Variants in NRXN3 observed in about 807,000 individuals in gnomAD.
NRXN3 encodes the protein neurexin 3, also known as neurexin III.
NRXN3 carries 32 observed loss-of-function variants against 137.6 expected under a neutral mutation model. The ratio of observed to expected loss-of-function variants is 0.23; its 90% CI spans 0.18 to 0.31. The LOEUF (loss-of-function observed/expected upper bound fraction) is 0.31, where lower values mean the gene tolerates loss of function less well. NRXN3 is among the 10% of genes least tolerant of loss of function. NRXN3 has a pLI of 1.00. For synonymous variants in NRXN3, 798 were observed against 784.5 expected (o/e 1.02, Z -0.29); for missense variants, 1,574 against 2,062.5 (o/e 0.76, Z 4.59).
chr14:79,191,778 C>CGA (rs373446104), intron 15 of NRXN3, among the ~76,000 whole-genome samples: 43,043 of 151,892 alleles, frequency 0.28, 6,634 homozygotes, highest in Non-Finnish European at 0.36. Flanking sequence ...ATGGATTTAA[C>CGA]TGCTGATTTG....
chr14:78,338,051 G>T (rs1446946846), intron 4 of NRXN3, among the ~76,000 whole-genome samples: 3 of 152,030 alleles, frequency 2.0e-5, no homozygotes, highest in Non-Finnish European at 4.4e-5. Context: ...TCTTCCCTTT[G>T]GTGTTTAGGT....
intron 16 of NRXN3, among the ~76,000 whole-genome samples, chr14:79,572,228 T>C (rs1292731365): frequency 6.6e-6 from 1 of 152,126 alleles, no homozygotes; most frequent in Non-Finnish European, 1.5e-5. Flanking sequence ...TTTCTATACT[T>C]CATGTGAATG....
chr14:79,737,764 G>A (rs2098947202), intron 19 of NRXN3, among the ~76,000 whole-genome samples: 1 of 150,216 alleles, frequency 6.7e-6, no homozygotes, highest in African/African-American at 2.5e-5. Flanking sequence ...TCCCTATATT[G>A]CCATGCTGGT....
At chr14:78,846,573 ATCC>A (rs2099027751) in intron 10 of NRXN3, among the ~76,000 whole-genome samples, 1 of 152,052 alleles carries the variant, frequency 6.6e-6, no homozygotes, top group Non-Finnish European at 1.5e-5. Context: ...TAAAGTTGCA[ATCC>A]TTCCATGAAT....
chr14:78,498,196 G>T (rs1567763222), intron 4 of NRXN3, among the ~76,000 whole-genome samples: 1 of 152,198 alleles, frequency 6.6e-6, no homozygotes, highest in Non-Finnish European at 1.5e-5. Flanking sequence ...TGTGTCTGTA[G>T]AAGTCCAGTG....
intron 16 of NRXN3, among the ~76,000 whole-genome samples, chr14:79,524,509 G>T (rs191471818): frequency 9.5e-4 from 144 of 152,242 alleles, no homozygotes; most frequent in Admixed American, 2.6e-3. Flanking sequence ...CGACAATAAA[G>T]AAATCAAAGA....
chr14:78,712,476 A>T lies in NRXN3; in HGVS notation c.1661-2280A>T, dbSNP rs569767738. ...CTTCTAGGAGGGAGTAGTGAAGCAG[A>T]TTGTTAAATTCCCCTTAATATCCTT... On this transcript the variant is annotated intron_variant, in intron 7 of 20. Coordinates refer to ENST00000335750, the MANE Select transcript of NRXN3 (RefSeq NM_001330195.2). Among the ~76,000 whole-genome samples the T allele has an allele frequency of 7.9e-5, 12 of 152,326 alleles. No homozygotes were observed. The South Asian group carries it at 2.1e-3, about 26-fold the overall frequency.
intron 6 of NRXN3, among the ~76,000 whole-genome samples, chr14:78,675,059 C>T (rs927376243): frequency 4.6e-5 from 7 of 152,194 alleles, no homozygotes. Context: ...AAGTAGGTGG[C>T]ACCAGACTCT....
chr14:78,290,860 A>G (rs918094346), intron 3 of NRXN3, among the ~76,000 whole-genome samples: 1 of 152,206 alleles, frequency 6.6e-6, no homozygotes, highest in Admixed American at 6.5e-5. Context: ...GATCTCATAC[A>G]TGACAGTATC....
At chr14:78,204,305 T>C (rs868794042) in intron 1 of NRXN3, among the ~76,000 whole-genome samples, 1 of 152,072 alleles carries the variant, frequency 6.6e-6, no homozygotes, top group South Asian at 2.1e-4. Context: ...AGCACGAGCA[T>C]GTATGAATGG....
At chr14:78,959,359 C>T (rs2099403588) in intron 11 of NRXN3, among the ~76,000 whole-genome samples, 1 of 152,152 alleles carries the variant, frequency 6.6e-6, no homozygotes, top group Admixed American at 6.5e-5. Context: ...TAATTAAGCT[C>T]CAAATCCATG....
intron 15 of NRXN3, among the ~76,000 whole-genome samples, chr14:79,139,158 G>T (rs927954984): frequency 6.6e-6 from 1 of 152,236 alleles, no homozygotes; most frequent in East Asian, 1.9e-4. Context: ...CATTTTAAGT[G>T]TCCAGTAATA....
At chr14:79,539,454 T>G (rs1456565883) in intron 16 of NRXN3, among the ~76,000 whole-genome samples, 1 of 152,214 alleles carries the variant, frequency 6.6e-6, no homozygotes, top group Non-Finnish European at 1.5e-5. Context: ...TCCTGTGCTG[T>G]TTTATAAGCT....
At chr14:79,807,985 G>T (rs1431288865) in intron 20 of NRXN3, among the ~76,000 whole-genome samples, 1 of 152,044 alleles carries the variant, frequency 6.6e-6, no homozygotes, top group Non-Finnish European at 1.5e-5. Flanking sequence ...CCTGCTTAGA[G>T]CTATCAAGCC....
At chr14:78,594,014 G>A (rs2097139111) in intron 4 of NRXN3, among the ~76,000 whole-genome samples, 1 of 152,132 alleles carries the variant, frequency 6.6e-6, no homozygotes, top group Non-Finnish European at 1.5e-5. Flanking sequence ...CTTCCCCCAT[G>A]TCCCCAGGCC....
intron 8 of NRXN3, among the ~76,000 whole-genome samples, chr14:78,773,574 T>A (rs1218181274): frequency 2.6e-5 from 4 of 151,432 alleles, no homozygotes; most frequent in Non-Finnish European, 3.0e-5. Flanking sequence ...AATTTTTAAT[T>A]TTTTTTTTAA....
At chr14:78,266,436 T>A (rs769438493) in intron 2 of NRXN3, among the ~76,000 whole-genome samples, 4 of 152,070 alleles carry the variant, frequency 2.6e-5, no homozygotes, top group Non-Finnish European at 5.9e-5. Flanking sequence ...GTAGCTGAGA[T>A]TACAGGCACA....
chr14:79,045,322 A>G (rs1465119154), intron 15 of NRXN3, among the ~76,000 whole-genome samples: 1 of 152,188 alleles, frequency 6.6e-6, no homozygotes, highest in Non-Finnish European at 1.5e-5. Context: ...GACCGGGAGC[A>G]AGCCATAAAC....
At chr14:78,695,605 A>G (rs1455255206) in intron 6 of NRXN3, 1 of 152,094 alleles carries the variant, frequency 6.6e-6, no homozygotes, top group Non-Finnish European at 1.5e-5. Context: ...TGAGGAGCTG[A>G]TAAGTAACTG....
Sources: gnomAD v4.1 joint callset for allele counts (sites outside exome capture counted in the v4.1 genomes callset) on GRCh38, gnomAD v4.1.1 for gene constraint, MANE v1.5 for transcripts, NCBI Gene and HGNC (gene_info 2026-07-23, HGNC 2026-07-21) for gene names.